Variants in IGSF21 observed in about 807,000 individuals in gnomAD.
IGSF21 encodes immunoglobulin superfamily member 21.
In IGSF21, 28 loss-of-function variants were observed where a neutral mutation model predicts 46.8. The ratio of observed to expected loss-of-function variants is 0.60; its 90% confidence interval spans 0.44 to 0.82. The LOEUF (loss-of-function observed/expected upper bound fraction) is 0.82. IGSF21 is among the 40% of genes least tolerant of loss of function. IGSF21 has a pLI of 0.00. For missense variants in IGSF21, 624 were observed against 665.5 expected (o/e 0.94, Z 0.69); for synonymous variants, 284 against 273.6 (o/e 1.04, Z -0.38).
chr1:18,230,372 G>T (rs1169366602), intron 2 of IGSF21, among the ~76,000 whole-genome samples: 1 of 152,146 alleles, frequency 6.6e-6, no homozygotes, highest in African/African-American at 2.4e-5. Context: ...TCTTACCATT[G>T]TCAGGCGCTG....
intron 2 of IGSF21, among the ~76,000 whole-genome samples, chr1:18,275,374 A>G (rs547766609): frequency 4.5e-4 from 69 of 152,294 alleles, no homozygotes; most frequent in African/African-American, 1.5e-3. Flanking sequence ...AAGGGGATGG[A>G]GAACTGACCT....
intron 1 of IGSF21, among the ~76,000 whole-genome samples, chr1:18,126,707 G>A (rs544981633): frequency 9.2e-5 from 14 of 152,214 alleles, no homozygotes; most frequent in East Asian, 1.9e-4. Context: ...TGAATTAAAC[G>A]AAATATTTTA....
In IGSF21 at chr1:18,232,209, C is replaced by CTT; in HGVS notation, c.183+4206_183+4207dup. On this transcript the variant is annotated intron_variant, in intron 2 of 9. Transcript: ENST00000251296. Reference sequence around the variant, plus strand: ...GCTCATATAGATAAGCTCCAGACAGCTTTTTTTTGGCTAATAGAGTAGGGG... The same window carrying CTT: ...GCTCATATAGATAAGCTCCAGACAGCTTTTTTTTTTGGCTAATAGAGTAGGGG... Among the ~76,000 whole-genome samples, 2 of 105,030 alleles carry CTT rather than the reference C, an allele frequency of 1.9e-5. 1 individual carries two copies. Among genetic ancestry groups the CTT allele is most frequent in the South Asian group, 7.1e-4 (2 of 2,834 alleles). The allele number at this position is 105,030 out of a possible 152,430, so 68.9% of individuals were successfully genotyped here. A position where few individuals can be genotyped will look rare whatever the true frequency, so the allele number is the denominator to read the frequency against.
intron 1 of IGSF21, among the ~76,000 whole-genome samples, chr1:18,138,397 G>A (rs954817897): frequency 2.6e-5 from 4 of 152,112 alleles, no homozygotes; most frequent in Non-Finnish European, 4.4e-5. Context: ...GGTCTAGCAC[G>A]GGGGACCGTA....
At chr1:18,174,071 C>A (rs58772987) in intron 1 of IGSF21, among the ~76,000 whole-genome samples, 14,550 of 152,204 alleles carry the variant, frequency 0.096, 1,138 homozygotes, top group African/African-American at 0.21. Flanking sequence ...ATTTTAAAAT[C>A]ATACTTTCCA....
At chr1:18,180,355 C>A (rs1557575067) in intron 1 of IGSF21, among the ~76,000 whole-genome samples, 1 of 152,200 alleles carries the variant, frequency 6.6e-6, no homozygotes, top group Admixed American at 6.5e-5. Flanking sequence ...ATGGCAGTTA[C>A]AACCATCTTT....
At chr1:18,368,500 G>A (rs1175827991) in intron 6 of IGSF21, among the ~76,000 whole-genome samples, 2 of 128,054 alleles carry the variant, frequency 1.6e-5, no homozygotes, top group Admixed American at 8.9e-5. Context: ...GATAGAGTGA[G>A]ACTTCATCTC....
intron 1 of IGSF21, among the ~76,000 whole-genome samples, chr1:18,175,067 G>A (rs147833452): frequency 1.2e-3 from 188 of 152,282 alleles, no homozygotes; most frequent in Admixed American, 4.1e-3. Context: ...CCAGGTTTCA[G>A]ACTCCCAGCC....
chr1:18,182,200 A>G (rs1446809437), intron 1 of IGSF21, among the ~76,000 whole-genome samples: 1 of 133,412 alleles, frequency 7.5e-6, no homozygotes, highest in Non-Finnish European at 1.6e-5. Flanking sequence ...TTTTTTAGAC[A>G]AGGTCTCACT....
intron 1 of IGSF21, among the ~76,000 whole-genome samples, chr1:18,202,159 T>C (rs570876469): frequency 6.6e-6 from 1 of 152,338 alleles, no homozygotes; most frequent in South Asian, 2.1e-4. Flanking sequence ...ACTTTCCTAA[T>C]GTCAATTTTC....
chr1:18,152,545 C>G (rs866270322), intron 1 of IGSF21, among the ~76,000 whole-genome samples: 1 of 152,200 alleles, frequency 6.6e-6, no homozygotes, highest in Non-Finnish European at 1.5e-5. Flanking sequence ...CCTCTCTGAA[C>G]CTTAGCTCGC....
At chr1:18,361,862 G>C in intron 4 of IGSF21, 1 of 483,320 alleles carries the variant, frequency 2.1e-6, no homozygotes, top group Admixed American at 3.5e-5. Flanking sequence ...TTTGATCTGT[G>C]CTATCTCTTG....
chr1:18,129,411 T>C (rs2086299651), intron 1 of IGSF21, among the ~76,000 whole-genome samples: 1 of 152,110 alleles, frequency 6.6e-6, no homozygotes. Flanking sequence ...TGGATGCAGT[T>C]CTCTCATGTG....
At chr1:18,182,277 A>G (rs1338176879) in intron 1 of IGSF21, among the ~76,000 whole-genome samples, 1 of 150,950 alleles carries the variant, frequency 6.6e-6, no homozygotes, top group Non-Finnish European at 1.5e-5. Flanking sequence ...CCTAGGTTCA[A>G]GTGATGCTTC....
intron 2 of IGSF21, among the ~76,000 whole-genome samples, chr1:18,261,773 A>C (rs2084948817): frequency 6.6e-6 from 1 of 152,104 alleles, no homozygotes; most frequent in African/African-American, 2.4e-5. Context: ...AAGTGGAGGG[A>C]CTTGGGTCTG....
intron 1 of IGSF21, among the ~76,000 whole-genome samples, chr1:18,157,637 C>T (rs143764078): frequency 6.6e-6 from 1 of 152,342 alleles, no homozygotes; most frequent in East Asian, 1.9e-4. Flanking sequence ...CTGCAACCTG[C>T]AAGTCCAGCC....
chr1:18,283,523 A>G (rs1266060302), intron 2 of IGSF21, among the ~76,000 whole-genome samples: 2 of 152,120 alleles, frequency 1.3e-5, no homozygotes, highest in African/African-American at 4.8e-5. Context: ...GTGGGCAGGG[A>G]GGTTTAGGGG....
At chr1:18,285,073 T>C (rs538179571) in intron 2 of IGSF21, among the ~76,000 whole-genome samples, 70 of 152,322 alleles carry the variant, frequency 4.6e-4, no homozygotes, top group African/African-American at 1.6e-3. Flanking sequence ...GTGGCGGGAT[T>C]GGCCCATAAG....
At chr1:18,226,766 G>C (rs183449889) in intron 1 of IGSF21, among the ~76,000 whole-genome samples, 7 of 152,160 alleles carry the variant, frequency 4.6e-5, no homozygotes, top group African/African-American at 1.7e-4. Flanking sequence ...TGAAATCTTC[G>C]AACCCATCCT....
Sources: gnomAD v4.1 joint callset for allele counts (sites outside exome capture counted in the v4.1 genomes callset) on GRCh38, gnomAD v4.1.1 for gene constraint, MANE v1.5 for transcripts, NCBI Gene and HGNC (gene_info 2026-07-23, HGNC 2026-07-21) for gene names.